The following E2F3 variants were observed in gnomAD, a reference collection of about 807,000 sequenced individuals.
The protein encoded by E2F3 is E2F transcription factor 3.
In E2F3, 11 loss-of-function variants were observed where a neutral mutation model predicts 44.4. That is an observed-to-expected ratio of 0.25 (90% CI 0.16 to 0.41). The LOEUF is 0.41. Among genes scored for constraint, E2F3 ranks in the 10% least tolerant of loss-of-function variants. The probability of loss-of-function intolerance (pLI) is 1.00; values close to 1 mark genes in which losing one functional copy is unlikely to be tolerated. For synonymous variants in E2F3, 249 were observed against 253.0 expected (o/e 0.98, Z 0.15); for missense variants, 487 against 583.6 (o/e 0.83, Z 1.70).
intron 1 of E2F3, among the ~76,000 whole-genome samples, chr6:20,427,437 A>G (rs1230982418): frequency 1.3e-5 from 2 of 152,140 alleles, no homozygotes; most frequent in African/African-American, 4.8e-5. Flanking sequence ...CAGGGGTTAC[A>G]TTGGGGTTTG....
intron 1 of E2F3, among the ~76,000 whole-genome samples, chr6:20,444,160 GC>G (rs1427802975): frequency 1.3e-5 from 2 of 152,154 alleles, no homozygotes; most frequent in Non-Finnish European, 2.9e-5. Flanking sequence ...CTACACTCTA[GC>G]CTGGGCAGCA....
At chr6:20,429,452 C>G (rs73382477) in intron 1 of E2F3, among the ~76,000 whole-genome samples, 4,825 of 152,180 alleles carry the variant, frequency 0.032, 259 homozygotes, top group African/African-American at 0.11. Flanking sequence ...TACACTATTC[C>G]CCAACCCTCA....
chr6:20,486,534 A>G (rs1287400096), intron 4 of E2F3, among the ~76,000 whole-genome samples, 155 bp from the exon 5 acceptor site: 7 of 152,194 alleles, frequency 4.6e-5, no homozygotes, highest in Admixed American at 3.9e-4. Flanking sequence ...GGCCTCCCAA[A>G]GTGCTGGGAT....
At chr6:20,468,238 C>A (rs991543126) in intron 1 of E2F3, among the ~76,000 whole-genome samples, 1 of 152,176 alleles carries the variant, frequency 6.6e-6, no homozygotes, top group East Asian at 1.9e-4. Context: ...ACAAGACCAC[C>A]CCCAACTTCT....
chr6:20,424,103 C>T (rs575443395), intron 1 of E2F3, among the ~76,000 whole-genome samples: 4 of 152,188 alleles, frequency 2.6e-5, no homozygotes, highest in Non-Finnish European at 5.9e-5. Flanking sequence ...AGTTTGGTGG[C>T]TTGCTTTGGG....
chr6:20,477,144 A>G (rs537977656), intron 1 of E2F3, among the ~76,000 whole-genome samples: 37 of 152,144 alleles, frequency 2.4e-4, no homozygotes, highest in South Asian at 1.9e-3. Flanking sequence ...TGGGGTTTTC[A>G]TTATTATTTT....
chr6:20,431,262 C>A (rs1316306725), intron 1 of E2F3, among the ~76,000 whole-genome samples: 1 of 152,160 alleles, frequency 6.6e-6, no homozygotes, highest in Non-Finnish European at 1.5e-5. Context: ...GGGTCCATTG[C>A]AGAATCTTGC....
chr6:20,460,195 G>T (rs1240310645), intron 1 of E2F3, among the ~76,000 whole-genome samples: 1 of 152,128 alleles, frequency 6.6e-6, no homozygotes, highest in South Asian at 2.1e-4. Context: ...TTTTTTGTTT[G>T]TTTGTTTTTA....
At chr6:20,466,269 C>G (rs571640519) in intron 1 of E2F3, among the ~76,000 whole-genome samples, 5 of 152,202 alleles carry the variant, frequency 3.3e-5, no homozygotes, top group Admixed American at 2.0e-4. Context: ...CACACCACCA[C>G]GCCCGGCTAC....
chr6:20,439,057 T>G (rs1222474923), intron 1 of E2F3, among the ~76,000 whole-genome samples: 2 of 152,190 alleles, frequency 1.3e-5, no homozygotes, highest in Non-Finnish European at 2.9e-5. Context: ...ACATAAATAT[T>G]ATAAAAGAGA....
At chr6:20,460,434 T>C (rs1581627718) in intron 1 of E2F3, among the ~76,000 whole-genome samples, 1 of 152,286 alleles carries the variant, frequency 6.6e-6, no homozygotes, top group East Asian at 1.9e-4. Flanking sequence ...CAGTTCTGAC[T>C]TGTTTTTTTC....
chr6:20,429,600 A>C (rs1014036373), intron 1 of E2F3, among the ~76,000 whole-genome samples: 1 of 152,176 alleles, frequency 6.6e-6, no homozygotes, highest in Non-Finnish European at 1.5e-5. Flanking sequence ...GTCTAGGACC[A>C]TTTCTCAAAC....
intron 4 of E2F3, among the ~76,000 whole-genome samples, chr6:20,483,923 A>C (rs543888845): frequency 6.6e-6 from 1 of 152,360 alleles, no homozygotes; most frequent in Admixed American, 6.5e-5. Flanking sequence ...GCAGTTTTTC[A>C]AACCTGCAAT....
chr6:20,405,975 G>C (rs1264700192), intron 1 of E2F3, among the ~76,000 whole-genome samples: 1 of 152,096 alleles, frequency 6.6e-6, no homozygotes, highest in African/African-American at 2.4e-5. Context: ...GAATTTTGTT[G>C]ATATTCTTTC....
chr6:20,404,928 C>T (rs536225438), intron 1 of E2F3, among the ~76,000 whole-genome samples: 1 of 152,338 alleles, frequency 6.6e-6, no homozygotes, highest in South Asian at 2.1e-4. Context: ...GTTACTATTT[C>T]ATAAACCTAA....
chr6:20,435,624 G>T (rs930359405), intron 1 of E2F3, among the ~76,000 whole-genome samples: 1 of 152,212 alleles, frequency 6.6e-6, no homozygotes, highest in African/African-American at 2.4e-5. Context: ...GGTGGCGCAC[G>T]CCTGTAGTCC....
rs1426832505 is a variant in E2F3 at position 20,402,989 on chromosome 6, G to C, written c.393+364G>C. On this transcript the variant is annotated intron_variant, in intron 1 of 6. Coordinates refer to ENST00000346618, the MANE Select transcript of E2F3 (RefSeq NM_001949.5). This position sits in a 1 kb window ranked among gnomAD's most constrained non-coding sequence, Gnocchi z 5.6. ...GGGCGTAGGAAGGGGTCACGCCCCG[G>C]ATGGAGAAGGGGGTGGGGGAGGGAG... Among the ~76,000 whole-genome samples, 5 of 152,100 alleles carry C rather than the reference G, an allele frequency of 3.3e-5. No homozygotes were observed. Among genetic ancestry groups the C allele is most frequent in the Admixed American group, 3.3e-4 (5 of 15,274 alleles).
rs770161552 is a variant in E2F3 at position 20,402,365 on chromosome 6, G to C, written c.133G>C (p.Ala45Pro). The change falls in exon 1 of 7, where the codon GCC (alanine) becomes CCC (proline). Residue 45 changes from alanine (A) to proline (P), a missense_variant. Ala to Pro is a conservative substitution (Grantham distance 27, BLOSUM62 -1). Transcript: ENST00000346618. The surrounding 1 kb of genome is among the most constrained non-coding windows in gnomAD (Gnocchi z 5.6). ...KRALLASPGF[A>P]AAAAAAAAPG... is the part of the protein sequence containing the mutation. ...GGCACTGCTAGCCAGCCCCGGCTTC[G>C]CCGCCGCCGCCGCCGCTGCCGCCGC... 4 of 1,599,880 alleles carry C rather than the reference G, an allele frequency of 2.5e-6. No individual in the cohort carries two copies. The South Asian group carries it at 4.4e-5, about 18-fold the overall frequency.
rs1489147722 is a variant in E2F3 at position 20,490,657 on chromosome 6, C to G, written c.*227C>G. The G allele has an allele frequency of 2.7e-6, 1 of 373,118 alleles. No individual in the cohort carries two copies. The highest frequency in any genetic ancestry group is 4.8e-5 in the Admixed American group (1 of 20,916). 23.1% of individuals were successfully genotyped at this position (373,118 alleles called of 1,614,324 possible). ...GCTCCCTTGGGAAAGCCCTGCTTTG[C>G]TCCAGGCTCCAAGATCTCCTGGCTA... On this transcript the variant is annotated 3_prime_UTR_variant, in exon 7 of 7. Coordinates refer to ENST00000346618, the MANE Select transcript of E2F3 (RefSeq NM_001949.5). The surrounding 1 kb of genome is among the most constrained non-coding windows in gnomAD (Gnocchi z 4.3).
Sources: allele counts gnomAD v4.1 joint callset (sites outside exome capture counted in the v4.1 genomes callset), GRCh38; gene constraint gnomAD v4.1.1; non-coding constraint Gnocchi (gnomAD v3.1); transcripts MANE v1.5; gene names NCBI Gene and HGNC (gene_info 2026-07-23, HGNC 2026-07-21).